The following SERPINB11 variants were observed in gnomAD, a reference collection of about 807,000 sequenced individuals.
SERPINB11 encodes serpin family B member 11, also known as serpin B11.
SERPINB11 carries 32 observed loss-of-function variants against 36.7 expected under a neutral mutation model. The ratio of observed to expected loss-of-function variants is 0.87; its 90% CI spans 0.66 to 1.17. The LOEUF (loss-of-function observed/expected upper bound fraction) is 1.17. SERPINB11 is among the 50% of genes most tolerant of loss of function. SERPINB11 has a pLI of 0.00. For missense variants in SERPINB11, 528 were observed against 458.4 expected (o/e 1.15, Z -1.39); for synonymous variants, 174 against 168.1 (o/e 1.04, Z -0.27).
chr18:63,710,334 G>A lies in SERPINB11; in HGVS notation c.141G>A (p.Arg47=), dbSNP rs761408503. 34 of 1,613,092 alleles carry A rather than the reference G, an allele frequency of 2.1e-5. No homozygotes were observed. Among genetic ancestry groups the A allele is most frequent in the Non-Finnish European group, 2.9e-5 (34 of 1,179,438 alleles). ...TAAGCATGGTCCTCCTTGGTGCCAGGGGAGAGACTGAAGAGCAATTGGAGA... is the reference window on the plus strand; with the variant it reads ...TAAGCATGGTCCTCCTTGGTGCCAGAGGAGAGACTGAAGAGCAATTGGAGA... The part of the protein sequence containing the change: ...YALSMVLLGA[R]GETEEQLEKV... The change falls in exon 2 of 8, where the codon AGG becomes AGA. Residue 47 remains arginine (R), a synonymous_variant. Coordinates refer to ENST00000544088, the MANE Select transcript of SERPINB11 (RefSeq NM_001370475.1).
Position 63,710,179 on chromosome 18 carries a change from G to A in SERPINB11, c.-15G>A. The A allele has an allele frequency of 6.3e-7, 1 of 1,597,544 alleles. No individual in the cohort carries two copies. Among genetic ancestry groups the A allele is most frequent in the South Asian group, 1.1e-5 (1 of 87,578 alleles). On this transcript the variant is annotated splice_region_variant and 5_prime_UTR_variant, in exon 2 of 8. Coordinates refer to ENST00000544088, the MANE Select transcript of SERPINB11 (RefSeq NM_001370475.1). Reference sequence around the variant, plus strand: ...AGAATTTTTTCCCTTCTGTTCTCAGGCAGTCGGCATAAAAATGGGTTCTCT... The same window carrying A: ...AGAATTTTTTCCCTTCTGTTCTCAGACAGTCGGCATAAAAATGGGTTCTCT...
chr18:63,714,568 G>C (rs769017103), intron 4 of SERPINB11, among the ~76,000 whole-genome samples: 1 of 152,058 alleles, frequency 6.6e-6, no homozygotes, highest in Non-Finnish European at 1.5e-5. Context: ...CCCTAGGAAC[G>C]CATTCTCTTT....
chr18:63,711,425 T>C (rs756760497), intron 3 of SERPINB11, 31 bp downstream of exon 3: 5 of 1,481,478 alleles, frequency 3.4e-6, no homozygotes, highest in Non-Finnish European at 4.7e-6. Context: ...TGTCAAATGC[T>C]CTTTAACCTA....
At chr18:63,705,519 A>G (rs1306645453) in intron 1 of SERPINB11, 1 of 152,258 alleles carries the variant, frequency 6.6e-6, no homozygotes, top group African/African-American at 2.4e-5. Flanking sequence ...GGCCATAAGT[A>G]AAGAAGAGAA....
rs370192432 is a variant in SERPINB11, at chr18:63,723,101, A to C, written c.881A>C (p.Lys294Thr). 7 of 1,605,132 alleles carry C rather than the reference A, an allele frequency of 4.4e-6. No individual in the cohort carries two copies. In the Middle Eastern group the frequency reaches 4.9e-4, roughly 113 times the overall value. ...VHLPRFKLET[K>T]YELNSLLKSL... ...CTCCCCCGATTCAAACTTGAAACTA[A>C]GTATGAGCTAAATTCCCTGTTAAAA... Residue 294 changes from lysine (K) to threonine (T), a missense_variant, in exon 8 of 8, where the codon AAG (lysine) becomes ACG (threonine). Coordinates refer to ENST00000544088, the MANE Select transcript of SERPINB11 (RefSeq NM_001370475.1).
intron 1 of SERPINB11, among the ~76,000 whole-genome samples, chr18:63,707,013 T>C (rs2144529944): frequency 6.6e-6 from 1 of 152,298 alleles, no homozygotes; most frequent in South Asian, 2.1e-4. Context: ...CTAGAAGCCT[T>C]CCAGCAACCT....
rs115429396 is a variant in SERPINB11 at position 63,707,663 on chromosome 18, T to C, written c.-15-2516T>C. On this transcript the variant is annotated intron_variant, in intron 1 of 7. Coordinates refer to ENST00000544088, the MANE Select transcript of SERPINB11 (RefSeq NM_001370475.1). ...CTATAATTCTCAGTTTGGTTCTGTG[T>C]CTCTCCTCTCTACTTGATTATGTGC... 4.1e-3 allele frequency among the ~76,000 whole-genome samples: 620 copies of C among 152,324 alleles called. 6 individuals are homozygous for C. The highest frequency in any genetic ancestry group is 0.014 in the African/African-American group (590 of 41,580).
intron 7 of SERPINB11, among the ~76,000 whole-genome samples, chr18:63,721,795 C>T (rs748904927): frequency 6.6e-6 from 1 of 152,032 alleles, no homozygotes; most frequent in Admixed American, 6.5e-5. Flanking sequence ...AGAAGTGAGA[C>T]GGGTGCCAAC....
In SERPINB11 at chr18:63,723,303, G is replaced by T. The variant is rs1184190314; in HGVS notation, c.1083G>T (p.Met361Ile). The change falls in exon 8 of 8, where the codon ATG becomes ATT. Residue 361 changes from methionine to isoleucine, a missense_variant. Coordinates refer to ENST00000544088, the MANE Select transcript of SERPINB11 (RefSeq NM_001370475.1). ...GCATCGCTGTAAAAAGCCTACCAAT[G>T]AGAGCTCAGTTCAAGGCGAACCACC... is the stretch of plus-strand genomic sequence containing the variant. The part of the protein sequence containing the change: ...GDSIAVKSLP[M>I]RAQFKANHPF... The T allele has an allele frequency of 6.2e-7, 1 of 1,613,842 alleles. No individual in the cohort carries two copies. The highest frequency in any genetic ancestry group is 2.2e-5 in the East Asian group (1 of 44,884).
At chr18:63,703,943 C>G (rs897753328) in intron 1 of SERPINB11, among the ~76,000 whole-genome samples, 1 of 142,414 alleles carries the variant, frequency 7.0e-6, no homozygotes, top group African/African-American at 2.6e-5. Context: ...ATAACAACTT[C>G]CAGATGACAC....
intron 6 of SERPINB11, 192 bp from the exon 7 acceptor site, chr18:63,720,639 C>G: frequency 3.7e-6 from 2 of 536,216 alleles, no homozygotes; most frequent in South Asian, 5.8e-5. Context: ...CAGTCTCTAA[C>G]CATGACTTAT....
intron 5 of SERPINB11, 119 bp from the exon 6 acceptor site, chr18:63,719,894 G>C (rs1420950209): frequency 1.4e-6 from 1 of 731,588 alleles, no homozygotes; most frequent in South Asian, 2.6e-5. Context: ...GAGTTCTTCT[G>C]GTATCTCAAA....
intron 7 of SERPINB11, among the ~76,000 whole-genome samples, 163 bp downstream of exon 7, chr18:63,721,149 T>A (rs1598968897): frequency 6.6e-6 from 1 of 152,218 alleles, no homozygotes; most frequent in Non-Finnish European, 1.5e-5. Flanking sequence ...GGGAGACACA[T>A]GGCCTCTGCC....
intron 5 of SERPINB11, among the ~76,000 whole-genome samples, chr18:63,717,486 A>C (rs1245601186): frequency 6.6e-6 from 1 of 152,056 alleles, no homozygotes; most frequent in East Asian, 1.9e-4. Flanking sequence ...TTATTTGCCC[A>C]AACAAGAAAT....
At chr18:63,711,497 G>A (rs2144536832) in intron 3 of SERPINB11, 103 bp downstream of exon 3, 3 of 845,914 alleles carry the variant, frequency 3.5e-6, no homozygotes, top group African/African-American at 1.7e-5. Flanking sequence ...TGCCCATGAG[G>A]GAACCAGCTA....
intron 4 of SERPINB11, among the ~76,000 whole-genome samples, chr18:63,713,204 G>A (rs1451689925): frequency 2.0e-5 from 3 of 152,026 alleles, no homozygotes; most frequent in Non-Finnish European, 4.4e-5. Context: ...CAACACCATG[G>A]TCCTATGTAG....
intron 5 of SERPINB11, among the ~76,000 whole-genome samples, chr18:63,718,278 T>C (rs967850569): frequency 6.6e-6 from 1 of 152,014 alleles, no homozygotes; most frequent in Non-Finnish European, 1.5e-5. Flanking sequence ...TCTTGATCCT[T>C]TGTATTTCCA....
chr18:63,707,556 C>T (rs541562121), intron 1 of SERPINB11, among the ~76,000 whole-genome samples: 67 of 152,166 alleles, frequency 4.4e-4, no homozygotes, highest in Non-Finnish European at 1.6e-4. Flanking sequence ...TAGGAGTGCT[C>T]TTCTTACATG....
At chr18:63,716,332 GT>G (rs1483164910) in intron 5 of SERPINB11, among the ~76,000 whole-genome samples, 180 bp downstream of exon 5, 1 of 152,164 alleles carries the variant, frequency 6.6e-6, no homozygotes, top group African/African-American at 2.4e-5. Context: ...GCTATACAAA[GT>G]GACTCTGCGA....
Sources: gnomAD v4.1 joint callset for allele counts (sites outside exome capture counted in the v4.1 genomes callset) on GRCh38, gnomAD v4.1.1 for gene constraint, MANE v1.5 for transcripts, NCBI Gene and HGNC (gene_info 2026-07-23, HGNC 2026-07-21) for gene names.